The following TFCP2L1 variants were observed in gnomAD, a reference collection of about 807,000 sequenced individuals.
TFCP2L1 encodes transcription factor CP2-like protein 1.
TFCP2L1 carries 12 observed loss-of-function variants against 72.2 expected under a neutral mutation model. That is an observed-to-expected ratio of 0.17 (90% CI 0.11 to 0.27). TFCP2L1 has a LOEUF of 0.27. TFCP2L1 is among the 10% of genes least tolerant of loss of function. The pLI, the probability that TFCP2L1 is intolerant of heterozygous loss-of-function variation, is 1.00. For missense variants in TFCP2L1, 488 were observed against 624.6 expected, an observed-to-expected ratio of 0.78 and a Z score of 2.33; for synonymous variants, 260 against 251.0, an observed-to-expected ratio of 1.04 and a Z score of -0.34.
intron 2 of TFCP2L1, among the ~76,000 whole-genome samples, chr2:121,264,566 C>A (rs1387851520): frequency 6.6e-6 from 1 of 152,148 alleles, no homozygotes; most frequent in Non-Finnish European, 1.5e-5. Flanking sequence ...GCAGCTGAGG[C>A]CGTGTGCTCT....
intron 2 of TFCP2L1, among the ~76,000 whole-genome samples, chr2:121,279,422 G>A (rs7562950): frequency 0.012 from 1,758 of 152,244 alleles, 35 homozygotes; most frequent in African/African-American, 0.039. Flanking sequence ...ACAGGTCTCC[G>A]GGCCTGAGCA....
chr2:121,242,285 A>C (rs1686390727), intron 7 of TFCP2L1, 74 bp downstream of exon 7: 2 of 1,363,976 alleles, frequency 1.5e-6, no homozygotes, highest in South Asian at 1.2e-5. Context: ...GCGATTTTCC[A>C]AGAATCTAAA....
intron 7 of TFCP2L1, chr2:121,240,203 C>G: frequency 1.0e-6 from 1 of 985,304 alleles, no homozygotes; most frequent in Non-Finnish European, 1.2e-6. Context: ...CATTCCATTT[C>G]AGGCATTCTG....
intron 2 of TFCP2L1, among the ~76,000 whole-genome samples, chr2:121,274,789 A>AGAAAAATT (rs1388454493): frequency 1.3e-5 from 2 of 152,130 alleles, no homozygotes; most frequent in Non-Finnish European, 2.9e-5. Context: ...TACGAAAAAT[A>AGAAAAATT]GAAAAATTAG....
At position 121,222,494 on chromosome 2, in the gene TFCP2L1, T is replaced by C. The variant is rs1028200787; in HGVS notation, c.*1847A>G. On this transcript the variant is annotated 3_prime_UTR_variant, in exon 15 of 15. Transcript: ENST00000263707. ...TACAAAAGAATGAAGTACTGATACA[T>C]CCTCAACTTGGACGGCCCTAGAAAA... 3.4e-4 allele frequency: 52 copies of C among 152,282 alleles called. No individual in the cohort carries two copies. The highest frequency in any genetic ancestry group is 1.1e-3 in the African/African-American group (44 of 41,550). The allele number at this position is 152,282 out of a possible 1,614,324, so 9.4% of individuals were successfully genotyped here. A position where few individuals can be genotyped will look rare whatever the true frequency, so the allele number is the denominator to read the frequency against.
At chr2:121,239,742 G>A in intron 7 of TFCP2L1, 93 bp from the exon 8 acceptor site, 1 of 1,216,314 alleles carries the variant, frequency 8.2e-7, no homozygotes, top group Non-Finnish European at 1.2e-6. Flanking sequence ...TGACACCAAT[G>A]CATGAGACCC....
chr2:121,221,931 G>C lies in TFCP2L1; in HGVS notation c.*2410C>G, dbSNP rs967894108. ...ATAAAAAGAAGGCTCATCCCTGGTA[G>C]TCTAGTGGTTAGGAAAACAGAAAAC... On this transcript the variant is annotated 3_prime_UTR_variant, in exon 15 of 15. Transcript: ENST00000263707. The C allele has an allele frequency of 6.7e-6, 1 of 148,816 alleles. No homozygotes were observed. Among genetic ancestry groups the C allele is most frequent in the Non-Finnish European group, 1.5e-5 (1 of 67,314 alleles). The allele number at this position is 148,816 out of a possible 1,614,324, so 9.2% of individuals were successfully genotyped here.
At chr2:121,239,152 A>G (rs1686310474) in intron 8 of TFCP2L1, among the ~76,000 whole-genome samples, 1 of 152,148 alleles carries the variant, frequency 6.6e-6, no homozygotes. Flanking sequence ...CCCAAGGCAG[A>G]GAGGACCCTA....
At chr2:121,265,375 T>A (rs1048690415) in intron 2 of TFCP2L1, among the ~76,000 whole-genome samples, 1 of 152,216 alleles carries the variant, frequency 6.6e-6, no homozygotes, top group African/African-American at 2.4e-5. Context: ...GACAAAAATG[T>A]TCTAAAATTA....
chr2:121,239,563 G>A lies in TFCP2L1; in HGVS notation c.855C>T (p.Gly285=), dbSNP rs367686992. 4.5e-5 allele frequency: 73 copies of A among 1,613,870 alleles called. No homozygotes were observed. Among genetic ancestry groups the A allele is most frequent in the African/African-American group, 3.3e-4 (25 of 74,940 alleles). The change falls in exon 8 of 15, where the codon GGC becomes GGT. Residue 285 remains glycine (G), a synonymous_variant. Transcript: ENST00000263707. ...GAAAGAGAGGTGGGACGTACCCTTC[G>A]CCGAGGCCAAAGCTGTTTGGAGAAC... ...YNGSPNSFGL[G]EGNASPTHPV...
Position 121,267,183 on chromosome 2 carries a change from C to T in TFCP2L1, c.214+13937G>A, listed in dbSNP as rs1396537057. 3.9e-5 allele frequency among the ~76,000 whole-genome samples: 6 copies of T among 152,134 alleles called. No homozygotes were observed. In the East Asian group the frequency reaches 9.7e-4, roughly 25 times the overall value. On this transcript the variant is annotated intron_variant, in intron 2 of 14. Transcript: ENST00000263707. ...TCCACCAGCCTCCACCTCCCAAAGT[C>T]CTGGGATTACAAGCATGAGCCACCG...
chr2:121,230,514 C>A (rs985336694), intron 13 of TFCP2L1, among the ~76,000 whole-genome samples: 7 of 151,830 alleles, frequency 4.6e-5, no homozygotes, highest in African/African-American at 1.7e-4. Context: ...GGTGCAGGGG[C>A]TCATGCCTGT....
intron 2 of TFCP2L1, among the ~76,000 whole-genome samples, chr2:121,253,279 A>G (rs1295968924): frequency 2.0e-5 from 3 of 152,240 alleles, no homozygotes; most frequent in Admixed American, 1.3e-4. Context: ...CTTTCCCATC[A>G]GAGGGAAGAG....
intron 10 of TFCP2L1, among the ~76,000 whole-genome samples, chr2:121,235,578 T>C (rs60348890): frequency 0.03 from 1,848 of 61,388 alleles, 18 homozygotes; most frequent in Non-Finnish European, 0.068. Flanking sequence ...TTCTTTCTTT[T>C]TTTTTTTTTT....
Position 121,285,039 on chromosome 2 carries a change from G to A in TFCP2L1, c.62+9C>T. ...CCCGAGACCCGCGGGGACCGCGCGC[G>A]GCCCTTACCGCAGGTAGCTGCCGGA... On this transcript the variant is annotated intron_variant, in intron 1 of 14. Coordinates refer to ENST00000263707, the MANE Select transcript of TFCP2L1 (RefSeq NM_014553.3). The A allele has an allele frequency of 6.7e-6, 10 of 1,494,458 alleles. No homozygotes were observed. Among genetic ancestry groups the A allele is most frequent in the Non-Finnish European group, 8.9e-6 (10 of 1,121,940 alleles). The allele number at this position is 1,494,458 out of a possible 1,614,324, so 92.6% of individuals were successfully genotyped here.
chr2:121,283,966 T>C (rs1407858503), intron 1 of TFCP2L1, among the ~76,000 whole-genome samples: 1 of 152,088 alleles, frequency 6.6e-6, no homozygotes, highest in African/African-American at 2.4e-5. Flanking sequence ...GGCCCATGAA[T>C]AAAAACAGCA....
intron 13 of TFCP2L1, among the ~76,000 whole-genome samples, chr2:121,228,860 AT>A (rs1432923609): frequency 9.2e-5 from 14 of 151,928 alleles, no homozygotes; most frequent in South Asian, 2.1e-4. Context: ...GGTGACAAAA[AT>A]AGCAAGTTGC....
At chr2:121,267,276 TC>T (rs1234096810) in intron 2 of TFCP2L1, among the ~76,000 whole-genome samples, 2 of 152,140 alleles carry the variant, frequency 1.3e-5, no homozygotes, top group Non-Finnish European at 2.9e-5. Context: ...GCTCTTGAAC[TC>T]TGGGCTGAAG....
At chr2:121,261,734 G>A (rs1402150488) in intron 2 of TFCP2L1, among the ~76,000 whole-genome samples, 1 of 152,106 alleles carries the variant, frequency 6.6e-6, no homozygotes, top group Non-Finnish European at 1.5e-5. Flanking sequence ...AAGATTGAGA[G>A]GGAAAAAGCA....
Sources: allele counts gnomAD v4.1 joint callset (sites outside exome capture counted in the v4.1 genomes callset), GRCh38; gene constraint gnomAD v4.1.1; transcripts MANE v1.5; gene names NCBI Gene and HGNC (gene_info 2026-07-23, HGNC 2026-07-21).